PTCHD1: variants seen among roughly 807,000 people sequenced by gnomAD.
The protein encoded by PTCHD1 is patched domain-containing protein 1.
In PTCHD1, 3 loss-of-function variants were observed where a neutral mutation model predicts 34.6. That is an observed-to-expected ratio of 0.09 (90% CI 0.04 to 0.22). The LOEUF is 0.22. Ranked by LOEUF, PTCHD1 falls within the 10% of genes least tolerant of loss-of-function variation. The pLI is 1.00. For synonymous variants in PTCHD1, 305 were observed against 283.1 expected, an observed-to-expected ratio of 1.08 and a Z score of -0.77; for missense variants, 504 against 685.5, an observed-to-expected ratio of 0.74 and a Z score of 2.96.
chrX:23,343,129 G>T (rs781507796), intron 1 of PTCHD1, among the ~76,000 whole-genome samples: 1 of 111,979 alleles, frequency 8.9e-6, no homozygotes, highest in East Asian at 2.8e-4. Flanking sequence ...GATTTATTTT[G>T]GTCAAATATA....
In PTCHD1 at chrX:23,394,061, T is replaced by C. The variant is rs1376927633; in HGVS notation, c.2543T>C (p.Phe848Ser). 1.7e-6 allele frequency: 2 copies of C among 1,209,763 alleles called. No individual in the cohort carries two copies. The highest frequency in any genetic ancestry group is 1.8e-5 in the South Asian group (1 of 56,874). The change falls in exon 3 of 3, where the codon TTC becomes TCC. Residue 848 changes from phenylalanine to serine, a missense_variant. Phe to Ser is a radical substitution (Grantham distance 155). Transcript: ENST00000379361. ...GCCATTTTACCTGTGATACTGACTT[T>C]CCTGCCACCCTCTAAGAAAAAAAGG... Reference protein sequence around the residue: ...CFAILPVILTFLPPSKKKRKE... With the variant: ...CFAILPVILTSLPPSKKKRKE...
chrX:23,349,424 C>T (rs183144761), intron 1 of PTCHD1, among the ~76,000 whole-genome samples: 2 of 111,643 alleles, frequency 1.8e-5, no homozygotes, highest in Middle Eastern at 4.7e-3. Flanking sequence ...AAGAAACCCA[C>T]TTTAAATATA....
In PTCHD1 at chrX:23,392,843, G is replaced by A. The variant is rs1922873149; in HGVS notation, c.1325G>A (p.Arg442Lys). Residue 442 changes from arginine to lysine, a missense_variant, in exon 3 of 3, where the codon AGA (arginine) becomes AAA (lysine). By Grantham distance (26) the Arg-to-Lys change is conservative. Coordinates refer to ENST00000379361, the MANE Select transcript of PTCHD1 (RefSeq NM_173495.3). ...ENNYQHSIFC[R>K]KVPKPEALQE... ...AATTACCAGCATAGTATCTTCTGTA[G>A]AAAAGTCCCAAAGCCTGAGGCATTG... The A allele has an allele frequency of 1.7e-6, 2 of 1,210,604 alleles. No homozygotes were observed. The highest frequency in any genetic ancestry group is 2.2e-6 in the Non-Finnish European group (2 of 895,364).
intron 1 of PTCHD1, among the ~76,000 whole-genome samples, chrX:23,364,886 A>T (rs948545846): frequency 1.8e-5 from 2 of 112,798 alleles, no homozygotes. Context: ...TTCCAAATAA[A>T]GTAAAAGCCA....
At chrX:23,371,631 T>G (rs1218615289) in intron 1 of PTCHD1, among the ~76,000 whole-genome samples, 1 of 111,035 alleles carries the variant, frequency 9.0e-6, no homozygotes, top group African/African-American at 3.3e-5. Context: ...TGAGGGGATA[T>G]GCGCAGGGCC....
chrX:23,342,265 CCTATATATAT>C (rs1278056148), intron 1 of PTCHD1, among the ~76,000 whole-genome samples: 1 of 57,473 alleles, frequency 1.7e-5, no homozygotes, highest in Non-Finnish European at 4.4e-5. Flanking sequence ...TGTGTTTCTC[CCTATATATAT>C]ATATATATAT....
chrX:23,371,555 T>C (rs1435476275), intron 1 of PTCHD1, among the ~76,000 whole-genome samples: 1 of 111,672 alleles, frequency 9.0e-6, no homozygotes, highest in African/African-American at 3.3e-5. Context: ...AGATAGTATG[T>C]TAGTGCCCCA....
At chrX:23,359,161 G>A (rs1921898802) in intron 1 of PTCHD1, among the ~76,000 whole-genome samples, 1 of 112,464 alleles carries the variant, frequency 8.9e-6, no homozygotes, top group South Asian at 3.7e-4. Flanking sequence ...GAACTTTAAA[G>A]TAGTTTTTTC....
At chrX:23,355,101 G>A (rs925024334) in intron 1 of PTCHD1, among the ~76,000 whole-genome samples, 2 of 110,547 alleles carry the variant, frequency 1.8e-5, no homozygotes, top group African/African-American at 3.3e-5. Context: ...CCTACTCCCC[G>A]CCTACTGGGG....
At chrX:23,341,619 C>G (rs1033073030) in intron 1 of PTCHD1, among the ~76,000 whole-genome samples, 9 of 112,311 alleles carry the variant, frequency 8.0e-5, no homozygotes, top group African/African-American at 2.9e-4. Context: ...GCCACATACC[C>G]GGAAGGCCAC....
chrX:23,370,475 A>G (rs1922247125), intron 1 of PTCHD1, among the ~76,000 whole-genome samples: 1 of 112,356 alleles, frequency 8.9e-6, no homozygotes, highest in South Asian at 3.7e-4. Flanking sequence ...GTAGCTTTGT[A>G]TGAGAACCTT....
intron 1 of PTCHD1, among the ~76,000 whole-genome samples, chrX:23,378,751 G>A (rs1922476885): frequency 8.9e-6 from 1 of 112,415 alleles, no homozygotes; most frequent in Non-Finnish European, 1.9e-5. Flanking sequence ...TCTGTATAAG[G>A]AGCCTAGAAT....
chrX:23,354,849 G>A (rs1416413545), intron 1 of PTCHD1, among the ~76,000 whole-genome samples: 1 of 108,506 alleles, frequency 9.2e-6, no homozygotes, highest in African/African-American at 3.3e-5. Flanking sequence ...GGGATTATAG[G>A]GGTGAGCCAC....
At chrX:23,343,971 T>C (rs1191045492) in intron 1 of PTCHD1, among the ~76,000 whole-genome samples, 1 of 112,600 alleles carries the variant, frequency 8.9e-6, no homozygotes, top group Non-Finnish European at 1.9e-5. Context: ...GTAGTCCTAC[T>C]GAGTAAAGAT....
At chrX:23,345,345 G>T (rs1921446169) in intron 1 of PTCHD1, among the ~76,000 whole-genome samples, 1 of 112,120 alleles carries the variant, frequency 8.9e-6, no homozygotes, top group Admixed American at 9.4e-5. Flanking sequence ...TTCTGATTCA[G>T]TAGGTCTGAG....
chrX:23,350,711 G>A (rs1009069213), intron 1 of PTCHD1, among the ~76,000 whole-genome samples: 1 of 111,136 alleles, frequency 9.0e-6, no homozygotes, highest in Admixed American at 9.5e-5. Context: ...GTTATGACAA[G>A]ATCAGAAGTG....
rs768896438 is a variant in PTCHD1 at position 23,363,464 on chromosome X, G to A, written c.352-16127G>A. On this transcript the variant is annotated intron_variant, in intron 1 of 2. Transcript: ENST00000379361. Reference sequence around the variant, plus strand: ...GGGCATGGGACCTGCCGAACCAGGCGTGAGATATAATCTCCTGGTGTGCCA... The same window carrying A: ...GGGCATGGGACCTGCCGAACCAGGCATGAGATATAATCTCCTGGTGTGCCA... 1.2e-4 allele frequency among the ~76,000 whole-genome samples: 14 copies of A among 113,151 alleles called. No homozygotes were observed. The South Asian group carries it at 2.2e-3, about 18-fold the overall frequency.
chrX:23,340,604 T>C lies in PTCHD1; in HGVS notation c.351+5378T>C, dbSNP rs945727126. On this transcript the variant is annotated intron_variant, in intron 1 of 2. Coordinates refer to ENST00000379361, the MANE Select transcript of PTCHD1 (RefSeq NM_173495.3). ...GCAGGAGGCAGTGCTTTGTTGCCTA[T>C]TCCAGTCTCTCTGCTTTTCCAAGTA... is the stretch of plus-strand genomic sequence containing the variant. Among the ~76,000 whole-genome samples, 129 of 112,422 alleles carry C rather than the reference T, an allele frequency of 1.1e-3. 1 individual carries two copies. The highest frequency in any genetic ancestry group is 3.9e-3 in the African/African-American group (122 of 30,927).
intron 1 of PTCHD1, among the ~76,000 whole-genome samples, chrX:23,369,240 C>G (rs1016397138): frequency 1.8e-5 from 2 of 111,353 alleles, no homozygotes; most frequent in Non-Finnish European, 3.8e-5. Flanking sequence ...CTGGCATTCA[C>G]TGGGTTTTAC....
Sources: allele counts gnomAD v4.1 joint callset (sites outside exome capture counted in the v4.1 genomes callset), GRCh38; gene constraint gnomAD v4.1.1; transcripts MANE v1.5; gene names NCBI Gene and HGNC (gene_info 2026-07-23, HGNC 2026-07-21).